ABLIM1: variants seen among roughly 807,000 people sequenced by gnomAD.
ABLIM1 encodes actin binding LIM protein 1.
A neutral mutation model predicts 107.0 loss-of-function variants in ABLIM1; 40 were observed. That is an observed-to-expected ratio of 0.37 (90% CI 0.29 to 0.49). The LOEUF is 0.49. ABLIM1 is among the 20% of genes least tolerant of loss of function. The pLI, the probability that ABLIM1 is intolerant of heterozygous loss-of-function variation, is 0.97. For synonymous variants in ABLIM1, 357 were observed against 357.3 expected (o/e 1.00, Z 0.01); for missense variants, 857 against 1,008.5 (o/e 0.85, Z 2.04).
chr10:114,724,442 C>G (rs2081915295), intron 1 of ABLIM1, among the ~76,000 whole-genome samples: 1 of 152,160 alleles, frequency 6.6e-6, no homozygotes, highest in East Asian at 1.9e-4. Flanking sequence ...AACTCGGCCT[C>G]TCCTGTTTCT....
intron 1 of ABLIM1, among the ~76,000 whole-genome samples, chr10:114,754,841 T>C (rs762191542): frequency 4.5e-4 from 68 of 152,296 alleles, no homozygotes; most frequent in Non-Finnish European, 8.2e-4. Flanking sequence ...GAGAGATTCT[T>C]TATCCTCCTT....
chr10:114,739,162 T>C (rs977037164), intron 1 of ABLIM1, among the ~76,000 whole-genome samples: 3 of 152,254 alleles, frequency 2.0e-5, no homozygotes, highest in East Asian at 1.9e-4. Context: ...ACACACAGAA[T>C]TGCATTTCTT....
intron 1 of ABLIM1, among the ~76,000 whole-genome samples, chr10:114,739,177 T>A (rs1458969811): frequency 6.6e-6 from 1 of 152,248 alleles, no homozygotes; most frequent in Non-Finnish European, 1.5e-5. Context: ...TTTCTTTCTC[T>A]AGTTTCCGAT....
At chr10:114,510,497 T>A (rs771510117) in intron 6 of ABLIM1, among the ~76,000 whole-genome samples, 24 of 152,012 alleles carry the variant, frequency 1.6e-4, no homozygotes, top group Non-Finnish European at 3.1e-4. Context: ...AACAAGGACA[T>A]TGTCTCATTC....
intron 3 of ABLIM1, among the ~76,000 whole-genome samples, chr10:114,572,247 A>G (rs185528230): frequency 1.3e-5 from 2 of 152,310 alleles, no homozygotes; most frequent in African/African-American, 2.4e-5. Context: ...GATGCTGCCA[A>G]TTAGGAAACG....
intron 1 of ABLIM1, among the ~76,000 whole-genome samples, chr10:114,664,754 G>C (rs1313855242): frequency 1.3e-5 from 2 of 150,622 alleles, no homozygotes; most frequent in Admixed American, 1.3e-4. Flanking sequence ...ATGTTGGCCA[G>C]GCTGGTCTCG....
intron 1 of ABLIM1, among the ~76,000 whole-genome samples, chr10:114,635,678 C>T (rs369466892): frequency 8.5e-5 from 13 of 152,320 alleles, no homozygotes; most frequent in East Asian, 7.7e-4. Context: ...TGCGCCACCA[C>T]GCCTGGCTAA....
At chr10:114,736,297 G>C (rs1046641304) in intron 1 of ABLIM1, among the ~76,000 whole-genome samples, 2 of 152,062 alleles carry the variant, frequency 1.3e-5, no homozygotes, top group African/African-American at 2.4e-5. Flanking sequence ...TCATAAATAA[G>C]AATGTAATAA....
chr10:114,799,422 T>C, the ABLIM1 span, among the ~76,000 whole-genome samples: 2 of 152,200 alleles, frequency 1.3e-5, no homozygotes, highest in South Asian at 4.1e-4. Context: ...AACTGCCTCT[T>C]CAGCATCTCC....
intron 8 of ABLIM1, among the ~76,000 whole-genome samples, chr10:114,479,711 C>A (rs1215009842): frequency 6.6e-6 from 1 of 152,106 alleles, no homozygotes; most frequent in Admixed American, 6.6e-5. Flanking sequence ...TGCTCAACTG[C>A]GGGAGGTTAG....
intron 1 of ABLIM1, among the ~76,000 whole-genome samples, chr10:114,614,967 T>C (rs929452969): frequency 2.0e-5 from 3 of 151,662 alleles, no homozygotes; most frequent in Non-Finnish European, 4.4e-5. Context: ...GGAGAATCGC[T>C]TGAACCTGGG....
intron 1 of ABLIM1, chr10:114,613,796 C>T: frequency 3.2e-6 from 4 of 1,241,150 alleles, no homozygotes; most frequent in East Asian, 5.7e-5. Context: ...GCTCCTGACT[C>T]CTCCCAGACC....
chr10:114,446,569 C>T (rs1321806723), intron 15 of ABLIM1, among the ~76,000 whole-genome samples: 1 of 152,154 alleles, frequency 6.6e-6, no homozygotes, highest in East Asian at 1.9e-4. Context: ...AACTAATAGT[C>T]TTAGTTTTCA....
the ABLIM1 span, among the ~76,000 whole-genome samples, chr10:114,787,590 C>A: frequency 1.4e-5 from 2 of 145,892 alleles, no homozygotes; most frequent in Non-Finnish European, 3.1e-5. Context: ...GGGGGGTCAG[C>A]CCCCCGCCCG....
At chr10:114,666,522 A>T (rs188662245) in intron 1 of ABLIM1, among the ~76,000 whole-genome samples, 20 of 152,296 alleles carry the variant, frequency 1.3e-4, no homozygotes, top group Non-Finnish European at 4.4e-5. Context: ...AAAGTAAAAA[A>T]ACAAACAACA....
chr10:114,491,012 G>GTGTGTGTGTGTGTGTA, intron 7 of ABLIM1, among the ~76,000 whole-genome samples: 2 of 92,388 alleles, frequency 2.2e-5, no homozygotes, highest in African/African-American at 4.6e-5. Context: ...GTGTGTGTGT[G>GTGTGTGTGTGTGTGTA]TATATATATA....
intron 6 of ABLIM1, among the ~76,000 whole-genome samples, chr10:114,538,461 A>G (rs887697401): frequency 6.6e-6 from 1 of 152,186 alleles, no homozygotes; most frequent in Admixed American, 6.5e-5. Flanking sequence ...CCTCGGCTCC[A>G]TCTGAGGCTC....
At chr10:114,765,295 T>C (rs568652743) in intron 1 of ABLIM1, among the ~76,000 whole-genome samples, 19 of 151,874 alleles carry the variant, frequency 1.3e-4, no homozygotes, top group Non-Finnish European at 2.8e-4. Flanking sequence ...TCCACCCACC[T>C]CAGCCTCCCA....
intron 4 of ABLIM1, among the ~76,000 whole-genome samples, chr10:114,552,179 C>T (rs10749169): frequency 0.16 from 24,928 of 152,182 alleles, 2,578 homozygotes; most frequent in East Asian, 0.29. Context: ...AAGCCTGACA[C>T]TGTGCTGGAG....
Sources: allele counts gnomAD v4.1 joint callset (sites outside exome capture counted in the v4.1 genomes callset), GRCh38; gene constraint gnomAD v4.1.1; transcripts MANE v1.5; gene names NCBI Gene and HGNC (gene_info 2026-07-23, HGNC 2026-07-21).